Variants in SHISAL2B observed in about 807,000 individuals in gnomAD.
SHISAL2B encodes the protein shisa like 2B.
Under a neutral mutation model 16.5 loss-of-function variants are expected in SHISAL2B, and 12 were observed. The ratio of observed to expected loss-of-function variants is 0.73; its 90% CI spans 0.47 to 1.18. The LOEUF (loss-of-function observed/expected upper bound fraction) is 1.18. SHISAL2B is among the 50% of genes most tolerant of loss of function. SHISAL2B has a pLI of 0.00. For synonymous variants in SHISAL2B, 72 were observed against 75.0 expected, an observed-to-expected ratio of 0.96 and a Z score of 0.21; for missense variants, 183 against 193.6, an observed-to-expected ratio of 0.95 and a Z score of 0.33.
chr5:64,715,754 G>A (rs1452539799), intron 2 of SHISAL2B, among the ~76,000 whole-genome samples: 2 of 152,078 alleles, frequency 1.3e-5, no homozygotes, highest in Non-Finnish European at 2.9e-5. Context: ...ATTTGACATC[G>A]TATTCTAAGC....
At chr5:64,701,048 C>T (rs886411224) in intron 2 of SHISAL2B, among the ~76,000 whole-genome samples, 12 of 152,252 alleles carry the variant, frequency 7.9e-5, no homozygotes, top group South Asian at 2.1e-4. Context: ...GGTCCATGGC[C>T]CAGGGGTTGG....
chr5:64,714,528 C>A (rs897209015), intron 2 of SHISAL2B, among the ~76,000 whole-genome samples: 79 of 151,914 alleles, frequency 5.2e-4, no homozygotes, highest in African/African-American at 1.6e-3. Context: ...GTGGAGCCTA[C>A]AGAGGCAGGC....
chr5:64,702,433 C>T (rs1741822598), intron 2 of SHISAL2B, among the ~76,000 whole-genome samples: 1 of 152,164 alleles, frequency 6.6e-6, no homozygotes, highest in Non-Finnish European at 1.5e-5. Context: ...CTCCTGAACT[C>T]AGGTGATCAG....
chr5:64,715,031 G>T (rs111731999), intron 2 of SHISAL2B, among the ~76,000 whole-genome samples: 81 of 152,216 alleles, frequency 5.3e-4, no homozygotes, highest in African/African-American at 1.9e-3. Context: ...GCTGTAGACC[G>T]GAGCTGTTAC....
At chr5:64,706,753 T>C (rs1345069994) in intron 2 of SHISAL2B, among the ~76,000 whole-genome samples, 1 of 152,182 alleles carries the variant, frequency 6.6e-6, no homozygotes, top group East Asian at 1.9e-4. Context: ...CCATATTACT[T>C]TGAAGTGGCT....
Position 64,700,525 on chromosome 5 carries a change from C to G in SHISAL2B, c.349+4861C>G, listed in dbSNP as rs1741794639. Among the ~76,000 whole-genome samples the G allele has an allele frequency of 1.3e-5, 2 of 152,174 alleles. 1 individual carries two copies. Among genetic ancestry groups the G allele is most frequent in the Admixed American group, 1.3e-4 (2 of 15,270 alleles). Reference sequence around the variant, plus strand: ...TCCCTGTTTCAAGCCATTCTCCCACCTCAGCCTCCCGAGTAGCTGAGACTA... The same window carrying G: ...TCCCTGTTTCAAGCCATTCTCCCACGTCAGCCTCCCGAGTAGCTGAGACTA... On this transcript the variant is annotated intron_variant, in intron 2 of 2. Transcript: ENST00000389074.
intron 2 of SHISAL2B, among the ~76,000 whole-genome samples, chr5:64,711,781 C>T (rs1319802139): frequency 6.0e-5 from 1 of 16,538 alleles, no homozygotes; most frequent in Non-Finnish European, 1.2e-4. Context: ...GTGTATGTGT[C>T]GAGGAATGTA....
chr5:64,715,078 C>G (rs1221451350), intron 2 of SHISAL2B, among the ~76,000 whole-genome samples: 1 of 152,128 alleles, frequency 6.6e-6, no homozygotes, highest in Non-Finnish European at 1.5e-5. Context: ...CGACATCTTT[C>G]AAAACTTGTA....
chr5:64,699,223 A>G (rs7716441), intron 2 of SHISAL2B, among the ~76,000 whole-genome samples: 19,607 of 152,212 alleles, frequency 0.13, 3,965 homozygotes, highest in African/African-American at 0.43. Flanking sequence ...TGGTAAGGCA[A>G]GATTTTACGT....
chr5:64,704,079 A>G (rs775701910), intron 2 of SHISAL2B, among the ~76,000 whole-genome samples: 10 of 151,978 alleles, frequency 6.6e-5, no homozygotes, highest in Non-Finnish European at 1.0e-4. Context: ...CTACTAAATA[A>G]TAAGGTGACT....
chr5:64,715,456 G>A (rs1742034973), intron 2 of SHISAL2B, among the ~76,000 whole-genome samples: 1 of 152,054 alleles, frequency 6.6e-6, no homozygotes, highest in Non-Finnish European at 1.5e-5. Context: ...TTCAAGCAAA[G>A]GAGGCTGGAG....
chr5:64,705,671 A>AAAT (rs1218890719), intron 2 of SHISAL2B, among the ~76,000 whole-genome samples: 18 of 152,224 alleles, frequency 1.2e-4, no homozygotes, highest in Admixed American at 2.0e-4. Context: ...CAAACACCTT[A>AAAT]ATTTGATTTT....
At chr5:64,713,757 C>T (rs1022986460) in intron 2 of SHISAL2B, among the ~76,000 whole-genome samples, 1 of 125,500 alleles carries the variant, frequency 8.0e-6, no homozygotes, top group Non-Finnish European at 1.6e-5. Flanking sequence ...TCTTTTTTCT[C>T]TAAACTTCCC....
intron 2 of SHISAL2B, among the ~76,000 whole-genome samples, chr5:64,699,143 G>A (rs543623909): frequency 5.2e-4 from 79 of 152,252 alleles, no homozygotes; most frequent in African/African-American, 1.8e-3. Flanking sequence ...TCCTCATTCT[G>A]CCCCTCTCAT....
At position 64,699,728 on chromosome 5, in the gene SHISAL2B, C is replaced by T. The variant is rs141443631; in HGVS notation, c.349+4064C>T. On this transcript the variant is annotated intron_variant, in intron 2 of 2. Transcript: ENST00000389074. Reference sequence around the variant, plus strand: ...CTAAAGGGAAATGTGTTCTTGTGTACATACTAAATTGACTTAGGACACTGA... The same window carrying T: ...CTAAAGGGAAATGTGTTCTTGTGTATATACTAAATTGACTTAGGACACTGA... Among the ~76,000 whole-genome samples, 19 of 152,284 alleles carry T rather than the reference C, an allele frequency of 1.2e-4. No homozygotes were observed. The East Asian group carries it at 3.3e-3, about 26-fold the overall frequency.
chr5:64,690,928 G>T (rs1741639076), intron 1 of SHISAL2B, 114 bp downstream of exon 1: 5 of 921,590 alleles, frequency 5.4e-6, no homozygotes, highest in African/African-American at 1.7e-5. Context: ...ATCCGCCCTA[G>T]GTTAGGTCCC....
At chr5:64,693,133 G>A (rs960650692) in intron 1 of SHISAL2B, among the ~76,000 whole-genome samples, 2 of 151,552 alleles carry the variant, frequency 1.3e-5, no homozygotes, top group East Asian at 1.9e-4. Flanking sequence ...TCAGCCTCCC[G>A]AGTAGCTGGG....
At chr5:64,694,440 CT>C (rs534129765) in intron 1 of SHISAL2B, among the ~76,000 whole-genome samples, 16 of 152,224 alleles carry the variant, frequency 1.1e-4, no homozygotes, top group African/African-American at 3.6e-4. Flanking sequence ...CAAGATAATG[CT>C]TTTTTTCCCA....
At position 64,690,731 on chromosome 5, in the gene SHISAL2B, C is replaced by T. The variant is rs1028039935; in HGVS notation, c.108C>T (p.Cys36=). The change falls in exon 1 of 3, where the codon TGC becomes TGT. Residue 36 remains cysteine (C), a synonymous_variant. Transcript: ENST00000389074. ...GCGAGGGGGCAGCGCTCCAGTATTG[C>T]TGCGGCTTCGCCGACCTCAAGTACT... is the stretch of plus-strand genomic sequence containing the variant. ...RRGEGAALQY[C]CGFADLKYCC... 116 of 1,537,810 alleles carry T rather than the reference C, an allele frequency of 7.5e-5. No homozygotes were observed. The highest frequency in any genetic ancestry group is 9.5e-5 in the Non-Finnish European group (109 of 1,148,060).
Sources: gnomAD v4.1 joint callset for allele counts (sites outside exome capture counted in the v4.1 genomes callset) on GRCh38, gnomAD v4.1.1 for gene constraint, MANE v1.5 for transcripts, NCBI Gene and HGNC (gene_info 2026-07-23, HGNC 2026-07-21) for gene names.